CDK14: variants seen among roughly 807,000 people sequenced by gnomAD.
CDK14 encodes cyclin-dependent kinase 14.
In CDK14, 34 loss-of-function variants were observed where a neutral mutation model predicts 60.7. The observed-to-expected ratio is 0.56, with a 90% confidence interval of 0.43 to 0.75. The LOEUF is 0.75. Among genes scored for constraint, CDK14 ranks in the 30% least tolerant of loss-of-function variants. The pLI, the probability that CDK14 is intolerant of heterozygous loss-of-function variation, is 0.00. For synonymous variants in CDK14, 197 were observed against 203.7 expected, an observed-to-expected ratio of 0.97 and a Z score of 0.28; for missense variants, 482 against 564.1, an observed-to-expected ratio of 0.85 and a Z score of 1.47.
chr7:90,918,039 T>C (rs1793133527), intron 8 of CDK14, among the ~76,000 whole-genome samples: 1 of 152,142 alleles, frequency 6.6e-6, no homozygotes, highest in African/African-American at 2.4e-5. Flanking sequence ...TGAAAATCTA[T>C]TTTTTGAAAC....
At chr7:91,165,247 C>T (rs1801310647) in intron 14 of CDK14, among the ~76,000 whole-genome samples, 1 of 152,138 alleles carries the variant, frequency 6.6e-6, no homozygotes, top group Non-Finnish European at 1.5e-5. Flanking sequence ...ACATTTCTTC[C>T]AACCTCAGAG....
At chr7:91,150,690 T>C (rs1319476852) in intron 14 of CDK14, among the ~76,000 whole-genome samples, 1 of 152,338 alleles carries the variant, frequency 6.6e-6, no homozygotes, top group Non-Finnish European at 1.5e-5. Flanking sequence ...ATAGGATTTG[T>C]CCTATTAGGA....
intron 2 of CDK14, among the ~76,000 whole-genome samples, chr7:90,619,189 C>G (rs1799715715): frequency 6.6e-6 from 1 of 152,078 alleles, no homozygotes; most frequent in Non-Finnish European, 1.5e-5. Context: ...TTACGTTTAT[C>G]TTGAGGGTAA....
intron 3 of CDK14, among the ~76,000 whole-genome samples, chr7:90,743,101 A>G (rs1012208948): frequency 2.6e-5 from 4 of 152,282 alleles, no homozygotes; most frequent in Non-Finnish European, 5.9e-5. Context: ...TTGTGGCATC[A>G]TGCTGATGTT....
chr7:90,917,703 G>A lies in CDK14; in HGVS notation c.805G>A (p.Glu269Lys), dbSNP rs1411190046. 3.7e-6 allele frequency: 6 copies of A among 1,613,160 alleles called. No homozygotes were observed. The African/African-American group carries it at 5.3e-5, about 14-fold the overall frequency. The change falls in exon 8 of 15, where the codon GAG becomes AAG. Residue 269 changes from glutamate (E) to lysine (K), a missense_variant. Physicochemically the swap from Glu to Lys is moderately conservative, Grantham distance 56. Coordinates refer to ENST00000380050, the MANE Select transcript of CDK14 (RefSeq NM_001287135.2). Reference sequence around the variant, plus strand: ...GAACCTTCTGATCAGTGACACGGGGGAGTTAAAGCTGGCAGATTTCGGTAG... The same window carrying A: ...GAACCTTCTGATCAGTGACACGGGGAAGTTAAAGCTGGCAGATTTCGGTAG... ...PQNLLISDTG[E>K]LKLADFGLAR...
chr7:90,838,131 A>G (rs1790173907), intron 5 of CDK14, among the ~76,000 whole-genome samples: 1 of 152,162 alleles, frequency 6.6e-6, no homozygotes, highest in African/African-American at 2.4e-5. Flanking sequence ...AATTGTGAAG[A>G]TTTCATGAAC....
chr7:90,610,764 T>G (rs1473528322), intron 2 of CDK14, among the ~76,000 whole-genome samples: 2 of 152,194 alleles, frequency 1.3e-5, no homozygotes, highest in Non-Finnish European at 2.9e-5. Context: ...AGGATACAAG[T>G]CATATTAGAT....
At chr7:90,738,705 T>C (rs1015130621) in intron 3 of CDK14, among the ~76,000 whole-genome samples, 1 of 152,188 alleles carries the variant, frequency 6.6e-6, no homozygotes, top group Admixed American at 6.5e-5. Flanking sequence ...AGAGAATAGT[T>C]GTCCCATAAA....
At position 90,872,219 on chromosome 7, in the gene CDK14, G is replaced by A. The variant is rs116822928; in HGVS notation, c.639+8950G>A. On this transcript the variant is annotated intron_variant, in intron 6 of 14. Transcript: ENST00000380050. ...GGTGTCATGGTACTAGAACATATTT[G>A]TGTTTTAGTGTAAACAATAGGAAAA... Among the ~76,000 whole-genome samples, 1,070 of 152,256 alleles carry A rather than the reference G, an allele frequency of 7.0e-3. 20 individuals are homozygous for A. Among genetic ancestry groups the A allele is most frequent in the African/African-American group, 0.024 (1,003 of 41,556 alleles).
intron 5 of CDK14, among the ~76,000 whole-genome samples, chr7:90,812,562 A>G (rs1038868703): frequency 7.9e-5 from 12 of 152,222 alleles, no homozygotes; most frequent in African/African-American, 2.7e-4. Context: ...GCACATGTAT[A>G]CATATGTTAC....
At chr7:90,970,499 A>G (rs558446736) in intron 9 of CDK14, among the ~76,000 whole-genome samples, 3 of 152,186 alleles carry the variant, frequency 2.0e-5, no homozygotes, top group Non-Finnish European at 4.4e-5. Flanking sequence ...TGACCAAATA[A>G]AGACAGGTTT....
intron 5 of CDK14, among the ~76,000 whole-genome samples, chr7:90,859,631 C>CATAT (rs1790939105): frequency 6.6e-6 from 1 of 152,108 alleles, no homozygotes; most frequent in African/African-American, 2.4e-5. Context: ...AGAGTTTCCA[C>CATAT]ATATTTTCCA....
At chr7:90,707,868 T>G (rs1441129942) in intron 2 of CDK14, among the ~76,000 whole-genome samples, 2 of 152,210 alleles carry the variant, frequency 1.3e-5, no homozygotes, top group African/African-American at 4.8e-5. Flanking sequence ...TTCAGTGTAT[T>G]ATAATCACTT....
intron 11 of CDK14, among the ~76,000 whole-genome samples, chr7:91,059,207 A>G (rs1797694842): frequency 6.6e-6 from 1 of 152,202 alleles, no homozygotes; most frequent in African/African-American, 2.4e-5. Flanking sequence ...TGTTTGTAGT[A>G]TTCTCTGATG....
intron 14 of CDK14, among the ~76,000 whole-genome samples, chr7:91,156,910 A>G (rs1316838267): frequency 6.6e-6 from 1 of 152,164 alleles, no homozygotes; most frequent in Non-Finnish European, 1.5e-5. Context: ...CCATTTTTGG[A>G]TGGGCCTTCA....
chr7:91,112,591 T>A lies in CDK14; in HGVS notation c.1204T>A (p.Cys402Ser), dbSNP rs758412165. 4.3e-6 allele frequency: 7 copies of A among 1,613,850 alleles called. No homozygotes were observed. In the East Asian group the frequency reaches 1.3e-4, roughly 31 times the overall value. Residue 402 changes from cysteine (C) to serine (S), a missense_variant, in exon 13 of 15, where the codon TGT (cysteine) becomes AGT (serine). Physicochemically the swap from Cys to Ser is moderately radical, Grantham distance 112. Transcript: ENST00000380050. ...AEDLASKLLQ[C>S]SPKNRLSAQA... ...GGACCTGGCCTCCAAGCTCCTACAA[T>A]GTTCCCCAAAGAACAGACTGTCGGC...
At chr7:90,934,929 T>TTCATGTATTGTCTTG (rs1453395115) in intron 8 of CDK14, among the ~76,000 whole-genome samples, 1 of 152,238 alleles carries the variant, frequency 6.6e-6, no homozygotes, top group Non-Finnish European at 1.5e-5. Flanking sequence ...TTTTATTGTC[T>TTCATGTATTGTCTTG]TCATGTATTG....
At chr7:91,076,036 A>G (rs1218307636) in intron 11 of CDK14, among the ~76,000 whole-genome samples, 1 of 151,912 alleles carries the variant, frequency 6.6e-6, no homozygotes, top group Admixed American at 6.6e-5. Context: ...GAAAATGGCC[A>G]TACTCCCCAA....
At chr7:91,068,470 A>G (rs1458670425) in intron 11 of CDK14, among the ~76,000 whole-genome samples, 2 of 152,182 alleles carry the variant, frequency 1.3e-5, no homozygotes, top group East Asian at 3.8e-4. Flanking sequence ...CTGAATTACC[A>G]CAGAAAGATT....
Sources: gnomAD v4.1 joint callset for allele counts (sites outside exome capture counted in the v4.1 genomes callset) on GRCh38, gnomAD v4.1.1 for gene constraint, MANE v1.5 for transcripts, NCBI Gene and HGNC (gene_info 2026-07-23, HGNC 2026-07-21) for gene names.